The following SCN10A variants were observed in gnomAD, a reference collection of about 807,000 sequenced individuals.
SCN10A encodes the protein sodium voltage-gated channel alpha subunit 10.
SCN10A carries 162 observed loss-of-function variants against 170.7 expected under a neutral mutation model. That is an observed-to-expected ratio of 0.95 (90% confidence interval 0.84 to 1.08). The LOEUF (loss-of-function observed/expected upper bound fraction) is 1.08. Ranked by LOEUF, SCN10A falls within the 50% of genes least tolerant of loss-of-function variation. The pLI, the probability that SCN10A is intolerant of heterozygous loss-of-function variation, is 0.00. For synonymous variants in SCN10A, 985 were observed against 904.6 expected, an observed-to-expected ratio of 1.09 and a Z score of -1.59; for missense variants, 2,527 against 2,436.9, an observed-to-expected ratio of 1.04 and a Z score of -0.78.
At chr3:38,787,339 C>T (rs2064219433) in intron 4 of SCN10A, among the ~76,000 whole-genome samples, 1 of 152,096 alleles carries the variant, frequency 6.6e-6, no homozygotes, top group Non-Finnish European at 1.5e-5. Flanking sequence ...TGTCTATACA[C>T]AATTGATTTA....
chr3:38,809,175 G>A (rs562585137), intron 1 of SCN10A, among the ~76,000 whole-genome samples: 7 of 152,196 alleles, frequency 4.6e-5, no homozygotes, highest in African/African-American at 7.2e-5. Flanking sequence ...CAAACATCAG[G>A]ACTGGGTTGG....
rs972268885 is a variant in SCN10A, at chr3:38,706,483, C to T, written c.4386+796G>A. On this transcript the variant is annotated intron_variant, in intron 26 of 27. Transcript: ENST00000449082. ...CAATTCCATTCACTGGAGTGGATGG[C>T]TCAGAAATTCTTTGAAGACGATCAA... 1.2e-4 allele frequency among the ~76,000 whole-genome samples: 18 copies of T among 152,286 alleles called. 1 individual carries two copies. The highest frequency in any genetic ancestry group is 5.9e-4 in the Admixed American group (9 of 15,298).
Position 38,698,541 on chromosome 3 carries a change from A to G in SCN10A, c.4679T>C (p.Leu1560Pro). ...GGAGAAGTAACTTTGAAGTGACTTA[A>G]GAATTGCAGAAAAAATCAGGCCTTT... ...SIASLIFSAI[L>P]KSLQSYFSPT... The change falls in exon 28 of 28, where the codon CTT (leucine) becomes CCT (proline). Residue 1560 changes from leucine to proline, a missense_variant. Coordinates refer to ENST00000449082, the MANE Select transcript of SCN10A (RefSeq NM_006514.4). 2 of 1,610,778 alleles carry G rather than the reference A, an allele frequency of 1.2e-6. No individual in the cohort carries two copies. Among genetic ancestry groups the G allele is most frequent in the Non-Finnish European group, 1.7e-6 (2 of 1,177,234 alleles).
rs191651308 is a variant in SCN10A at position 38,778,456 on chromosome 3, G to A, written c.471-7049C>T. Among the ~76,000 whole-genome samples, 33 of 151,924 alleles carry A rather than the reference G, an allele frequency of 2.2e-4. No homozygotes were observed. In the East Asian group the frequency reaches 6.0e-3, roughly 28 times the overall value. On this transcript the variant is annotated intron_variant, in intron 4 of 27. Transcript: ENST00000449082. Reference sequence around the variant, plus strand: ...ACCTCTAGTTTCTTCCCAAGCAAAAGAGGGGATTAGAAAATGGAATATCTA... The same window carrying A: ...ACCTCTAGTTTCTTCCCAAGCAAAAAAGGGGATTAGAAAATGGAATATCTA...
At chr3:38,801,897 A>G (rs1041181306) in intron 1 of SCN10A, among the ~76,000 whole-genome samples, 1 of 152,062 alleles carries the variant, frequency 6.6e-6, no homozygotes, top group Non-Finnish European at 1.5e-5. Flanking sequence ...CAAAATCTAG[A>G]CCTTTCTTCT....
intron 1 of SCN10A, among the ~76,000 whole-genome samples, chr3:38,801,448 A>G (rs1311846292): frequency 1.3e-5 from 2 of 152,196 alleles, no homozygotes; most frequent in African/African-American, 2.4e-5. Context: ...AATTGGACTG[A>G]ACAAGCTTAT....
chr3:38,782,476 T>C (rs1319161766), intron 4 of SCN10A, among the ~76,000 whole-genome samples: 4 of 152,114 alleles, frequency 2.6e-5, no homozygotes, highest in Admixed American at 6.6e-5. Context: ...TTTCTCTTTG[T>C]TCTTGTATAT....
intron 4 of SCN10A, among the ~76,000 whole-genome samples, chr3:38,777,559 T>A (rs1252216480): frequency 6.6e-6 from 1 of 152,070 alleles, no homozygotes; most frequent in African/African-American, 2.4e-5. Flanking sequence ...CCAAACAAAG[T>A]TTCCACAGAG....
At chr3:38,796,639 A>C (rs2064343139) in intron 1 of SCN10A, among the ~76,000 whole-genome samples, 1 of 152,110 alleles carries the variant, frequency 6.6e-6, no homozygotes, top group Admixed American at 6.5e-5. Context: ...AGGCTTTTCC[A>C]TATTCCCCTT....
chr3:38,787,284 C>T (rs1402299272), intron 4 of SCN10A, among the ~76,000 whole-genome samples: 2 of 152,028 alleles, frequency 1.3e-5, no homozygotes, highest in Non-Finnish European at 1.5e-5. Context: ...TTTAAAATGC[C>T]AGTGTAAATG....
At position 38,697,358 on chromosome 3, in the gene SCN10A, A is replaced by AG. The variant is rs1226701722; in HGVS notation, c.5861dup (p.Gly1955TrpfsTer15). ...GGCTGGAGTGTTCTCACTAGGGCCC[A>AG]GGGGCAATCAGCTCCATACTGGTGG... On this transcript the variant is annotated frameshift_variant, in exon 28 of 28. Transcript: ENST00000449082. LOFTEE classifies it high-confidence loss of function. The AG allele has an allele frequency of 6.2e-7, 1 of 1,613,602 alleles. No homozygotes were observed. Among genetic ancestry groups the AG allele is most frequent in the Admixed American group, 1.7e-5 (1 of 59,986 alleles).
intron 5 of SCN10A, among the ~76,000 whole-genome samples, chr3:38,766,687 T>C (rs2063936959): frequency 6.6e-6 from 1 of 151,880 alleles, no homozygotes; most frequent in African/African-American, 2.4e-5. Flanking sequence ...ATATTGTCTG[T>C]AGTTCTTTTT....
chr3:38,731,980 G>A (rs1020880935), intron 15 of SCN10A, among the ~76,000 whole-genome samples: 15 of 152,326 alleles, frequency 9.8e-5, no homozygotes, highest in African/African-American at 2.9e-4. Flanking sequence ...TGGTGTCCTC[G>A]TCTTGGCTTC....
At chr3:38,706,665 C>T (rs985205758) in intron 26 of SCN10A, among the ~76,000 whole-genome samples, 5 of 152,144 alleles carry the variant, frequency 3.3e-5, no homozygotes, top group African/African-American at 1.2e-4. Context: ...ATGGGTAGTA[C>T]ATTTAATGGA....
intron 16 of SCN10A, among the ~76,000 whole-genome samples, chr3:38,727,803 C>A (rs1041106935): frequency 6.6e-6 from 1 of 152,138 alleles, no homozygotes; most frequent in Non-Finnish European, 1.5e-5. Context: ...GGGCAAGGAC[C>A]CCACCATGAC....
At position 38,761,378 on chromosome 3, in the gene SCN10A, T is replaced by C. The variant is rs772316620; in HGVS notation, c.697A>G (p.Lys233Glu). The C allele has an allele frequency of 6.2e-7, 1 of 1,612,538 alleles. No individual in the cohort carries two copies. The highest frequency in any genetic ancestry group is 1.1e-5 in the South Asian group (1 of 90,794). The change falls in exon 7 of 28, where the codon AAG becomes GAG. Residue 233 changes from lysine (K) to glutamate (E), a missense_variant. Lys to Glu is a moderately conservative substitution (Grantham distance 56, BLOSUM62 1). Transcript: ENST00000449082. Reference protein sequence around the residue: ...LKTVSVIPGLKVIVGALIHSV... With the variant: ...LKTVSVIPGLEVIVGALIHSV... ...TGAATCAGGGCCCCCACAATGACCTTCAGGCCTGCGGGAAGATGACAGTGG... is the reference window on the plus strand; with the variant it reads ...TGAATCAGGGCCCCCACAATGACCTCCAGGCCTGCGGGAAGATGACAGTGG...
chr3:38,721,330 A>G (rs1000477004), intron 20 of SCN10A, among the ~76,000 whole-genome samples: 8 of 151,642 alleles, frequency 5.3e-5, no homozygotes, highest in African/African-American at 1.5e-4. Context: ...ATTAGCTGCC[A>G]CCCTGAACTC....
rs138063699 is a variant in SCN10A at position 38,750,060 on chromosome 3, G to A, written c.1867+13C>T. ...TGACACAGTGGATGAACAATGCAGT[G>A]AGCAGCACTTACCCTCAAGGACGGA... is the stretch of plus-strand genomic sequence containing the variant. On this transcript the variant is annotated intron_variant, in intron 13 of 27. Transcript: ENST00000449082. 231 of 1,440,506 alleles carry A rather than the reference G, an allele frequency of 1.6e-4. No individual in the cohort carries two copies. In the African/African-American group the frequency reaches 2.7e-3, roughly 17 times the overall value. 89.2% of individuals were successfully genotyped at this position (1,440,506 alleles called of 1,614,324 possible).
In SCN10A at chr3:38,712,160, C is replaced by G. The variant is rs778498254; in HGVS notation, c.4089+1G>C. ...TATGGTTGATCTCATGGTTGACTCA[C>G]CACCTGCAGAAGTGCAAGGTAACCC... On this transcript the variant is annotated splice_donor_variant, in intron 23 of 27. Transcript: ENST00000449082. LOFTEE classifies it high-confidence loss of function. The G allele has an allele frequency of 9.9e-6, 16 of 1,613,462 alleles. No homozygotes were observed. In the Admixed American group the frequency reaches 2.7e-4, roughly 27 times the overall value.
Sources: allele counts gnomAD v4.1 joint callset (sites outside exome capture counted in the v4.1 genomes callset), GRCh38; gene constraint gnomAD v4.1.1; transcripts MANE v1.5; gene names NCBI Gene and HGNC (gene_info 2026-07-23, HGNC 2026-07-21).